Variants in GRIN2A observed in about 807,000 individuals in gnomAD.
GRIN2A encodes glutamate receptor ionotropic, NMDA 2A.
In GRIN2A, 22 loss-of-function variants were observed where a neutral mutation model predicts 113.4. That is an observed-to-expected ratio of 0.19 (90% CI 0.14 to 0.28). The LOEUF is 0.28. Among genes scored for constraint, GRIN2A ranks in the 10% least tolerant of loss-of-function variants. GRIN2A has a pLI of 1.00. For missense variants in GRIN2A, 1,502 were observed against 1,887.0 expected (o/e 0.80, Z 3.78); for synonymous variants, 827 against 738.4 (o/e 1.12, Z -1.94).
chr16:9,960,216 T>A (rs1390218634), intron 2 of GRIN2A, among the ~76,000 whole-genome samples: 1 of 152,214 alleles, frequency 6.6e-6, no homozygotes, highest in African/African-American at 2.4e-5. Context: ...GAATAAATAC[T>A]GAATGAACTA....
At chr16:9,933,949 G>T (rs1470995650) in intron 3 of GRIN2A, among the ~76,000 whole-genome samples, 2 of 152,246 alleles carry the variant, frequency 1.3e-5, no homozygotes, top group East Asian at 3.8e-4. Flanking sequence ...GGTTGCACAT[G>T]TATGTGTATT....
At chr16:9,914,048 G>A (rs1567172675) in intron 3 of GRIN2A, among the ~76,000 whole-genome samples, 2 of 151,664 alleles carry the variant, frequency 1.3e-5, no homozygotes, top group East Asian at 3.9e-4. Flanking sequence ...TAGAATAGAG[G>A]CTCCCAAGAA....
chr16:9,764,091 G>A lies in GRIN2A; in HGVS notation c.3453C>T (p.Tyr1151=). 2.5e-6 allele frequency: 4 copies of A among 1,613,686 alleles called. No individual in the cohort carries two copies. Among genetic ancestry groups the A allele is most frequent in the Middle Eastern group, 3.3e-4 (2 of 6,062 alleles). Residue 1151 remains tyrosine, a synonymous_variant, in exon 13 of 13, where the codon TAC becomes TAT. Coordinates refer to ENST00000330684, the MANE Select transcript of GRIN2A (RefSeq NM_001134407.3). ...LPENVDFPDP[Y]QDPSENFRKG... Reference sequence around the variant, plus strand: ...TGCGGAAGTTTTCACTGGGATCCTGGTAGGGGTCCGGGAAGTCCACGTTCT... The same window carrying A: ...TGCGGAAGTTTTCACTGGGATCCTGATAGGGGTCCGGGAAGTCCACGTTCT...
chr16:9,978,880 G>A (rs1163076934), intron 2 of GRIN2A, among the ~76,000 whole-genome samples: 1 of 152,226 alleles, frequency 6.6e-6, no homozygotes, highest in Non-Finnish European at 1.5e-5. Context: ...AAGACAGAGG[G>A]AGAGAAGCAG....
chr16:10,165,470 T>C (rs1273548627), intron 2 of GRIN2A, among the ~76,000 whole-genome samples: 1 of 147,856 alleles, frequency 6.8e-6, no homozygotes, highest in Non-Finnish European at 1.5e-5. Context: ...GTGATTTTTT[T>C]CAACAGTTCT....
chr16:9,808,913 C>T (rs890305573), intron 10 of GRIN2A, among the ~76,000 whole-genome samples: 2 of 151,766 alleles, frequency 1.3e-5, no homozygotes, highest in Admixed American at 6.6e-5. Context: ...CATCCCACCC[C>T]CCCAAAAAAA....
At chr16:10,057,123 T>A (rs1482197093) in intron 2 of GRIN2A, among the ~76,000 whole-genome samples, 1 of 152,168 alleles carries the variant, frequency 6.6e-6, no homozygotes, top group Non-Finnish European at 1.5e-5. Flanking sequence ...CCATCATTCA[T>A]CCATTCACAC....
At chr16:9,967,212 G>C (rs2045572030) in intron 2 of GRIN2A, among the ~76,000 whole-genome samples, 1 of 152,202 alleles carries the variant, frequency 6.6e-6, no homozygotes, top group African/African-American at 2.4e-5. Context: ...ATCAGCCAAT[G>C]AGTGGATCAA....
At chr16:10,057,110 C>T (rs2047469749) in intron 2 of GRIN2A, among the ~76,000 whole-genome samples, 1 of 151,670 alleles carries the variant, frequency 6.6e-6, no homozygotes, top group Non-Finnish European at 1.5e-5. Flanking sequence ...TCCACCCATC[C>T]ATCCATCATT....
intron 11 of GRIN2A, among the ~76,000 whole-genome samples, chr16:9,797,990 C>A (rs898791622): frequency 6.6e-6 from 1 of 152,276 alleles, no homozygotes; most frequent in East Asian, 1.9e-4. Flanking sequence ...CTTAAGGCAC[C>A]AGGACTGTCC....
chr16:9,789,964 G>T (rs1444612816), intron 11 of GRIN2A, among the ~76,000 whole-genome samples: 2 of 152,212 alleles, frequency 1.3e-5, no homozygotes, highest in African/African-American at 4.8e-5. Context: ...AGTGGTGTGT[G>T]CCTGGGAACA....
intron 11 of GRIN2A, among the ~76,000 whole-genome samples, chr16:9,775,231 A>G (rs1901525836): frequency 6.6e-6 from 1 of 152,150 alleles, no homozygotes; most frequent in Admixed American, 6.5e-5. Flanking sequence ...TTTCTTGCCA[A>G]AGCACCTGAC....
intron 2 of GRIN2A, among the ~76,000 whole-genome samples, chr16:9,991,197 T>A (rs2046106348): frequency 6.6e-6 from 1 of 152,202 alleles, no homozygotes; most frequent in East Asian, 1.9e-4. Context: ...ATAGGAGTTA[T>A]CAGATTTAAT....
At chr16:10,105,272 T>C (rs2048475912) in intron 2 of GRIN2A, among the ~76,000 whole-genome samples, 1 of 151,952 alleles carries the variant, frequency 6.6e-6, no homozygotes, top group Non-Finnish European at 1.5e-5. Flanking sequence ...AAGAGGAAAA[T>C]CCTTGCCCTT....
At chr16:9,941,522 T>C (rs916082588) in intron 2 of GRIN2A, among the ~76,000 whole-genome samples, 2 of 152,202 alleles carry the variant, frequency 1.3e-5, no homozygotes, top group African/African-American at 4.8e-5. Context: ...CTCCACCCCC[T>C]GTCATGCCAA....
At chr16:9,989,678 TAAATC>T (rs1207187994) in intron 2 of GRIN2A, among the ~76,000 whole-genome samples, 2 of 151,456 alleles carry the variant, frequency 1.3e-5, no homozygotes, top group African/African-American at 4.9e-5. Context: ...ATAAGGAACT[TAAATC>T]AAGAAAAAAA....
rs147032373 is a variant in GRIN2A at position 9,783,112 on chromosome 16, G to A, written c.2357-14023C>T. On this transcript the variant is annotated intron_variant, in intron 11 of 12. Transcript: ENST00000330684. ...TTATTAATGATCACCCCCTTCTGAT[G>A]TCTATATCATCAGTGTATTATCTTT... Among the ~76,000 whole-genome samples the A allele has an allele frequency of 7.2e-5, 11 of 152,292 alleles. 1 individual carries two copies. Among genetic ancestry groups the A allele is most frequent in the African/African-American group, 2.6e-4 (11 of 41,564 alleles).
At chr16:10,086,605 CAAAAAAA>C (rs3033377) in intron 2 of GRIN2A, among the ~76,000 whole-genome samples, 55 of 99,688 alleles carry the variant, frequency 5.5e-4, no homozygotes, top group Middle Eastern at 5.4e-3. Flanking sequence ...GGAGCAGCTC[CAAAAAAA>C]AAAAAAAAAA....
At chr16:9,883,064 C>T (rs568775605) in intron 4 of GRIN2A, among the ~76,000 whole-genome samples, 4 of 152,262 alleles carry the variant, frequency 2.6e-5, no homozygotes, top group African/African-American at 9.6e-5. Flanking sequence ...GCTGGGAGAT[C>T]TTAAGCTGGT....
Sources: gnomAD v4.1 joint callset for allele counts (sites outside exome capture counted in the v4.1 genomes callset) on GRCh38, gnomAD v4.1.1 for gene constraint, MANE v1.5 for transcripts, NCBI Gene and HGNC (gene_info 2026-07-23, HGNC 2026-07-21) for gene names.